Variants in FNDC3B observed in about 807,000 individuals in gnomAD.
FNDC3B encodes fibronectin type III domain containing 3B.
A neutral mutation model predicts 151.5 loss-of-function variants in FNDC3B; 12 were observed. That is an observed-to-expected ratio of 0.08 (90% CI 0.05 to 0.13). The LOEUF is 0.13. Among genes scored for constraint, FNDC3B ranks in the 10% least tolerant of loss-of-function variants. FNDC3B has a pLI of 1.00. For synonymous variants in FNDC3B, 528 were observed against 549.0 expected, an observed-to-expected ratio of 0.96 and a Z score of 0.54; for missense variants, 1,214 against 1,505.3, an observed-to-expected ratio of 0.81 and a Z score of 3.20.
At chr3:172,373,563 T>C (rs1734984542) in intron 23 of FNDC3B, among the ~76,000 whole-genome samples, 1 of 152,228 alleles carries the variant, frequency 6.6e-6, no homozygotes, top group Non-Finnish European at 1.5e-5. Flanking sequence ...TATATTTAGT[T>C]CCATCACAAA....
intron 3 of FNDC3B, among the ~76,000 whole-genome samples, chr3:172,145,043 C>G (rs938078906): frequency 6.6e-6 from 1 of 151,898 alleles, no homozygotes; most frequent in African/African-American, 2.4e-5. Flanking sequence ...TTATTTCCCC[C>G]CTAAGTATTC....
At chr3:172,171,396 G>A (rs1397327126) in intron 3 of FNDC3B, among the ~76,000 whole-genome samples, 1 of 152,070 alleles carries the variant, frequency 6.6e-6, no homozygotes, top group East Asian at 1.9e-4. Flanking sequence ...TGTTGTAGAT[G>A]TGGCACATAT....
rs201662937 is a variant in FNDC3B, at chr3:172,247,724, G to A, written c.456G>A (p.Pro152=). 6.8e-5 allele frequency: 109 copies of A among 1,614,034 alleles called. No homozygotes were observed. Among genetic ancestry groups the A allele is most frequent in the South Asian group, 4.6e-4 (42 of 91,082 alleles). The part of the protein sequence containing the change: ...YPPVTGPGDM[P]PQFFPQHHLP... ...CTGTTACCGGACCTGGAGATATGCCGCCTCAGTTTTTTCCCCAGCATCATC... is the reference window on the plus strand; with the variant it reads ...CTGTTACCGGACCTGGAGATATGCCACCTCAGTTTTTTCCCCAGCATCATC... The change falls in exon 5 of 26, where the codon CCG becomes CCA. Residue 152 remains proline (P), a synonymous_variant. Coordinates refer to ENST00000415807, the MANE Select transcript of FNDC3B (RefSeq NM_022763.4).
intron 3 of FNDC3B, among the ~76,000 whole-genome samples, chr3:172,187,723 C>G (rs991236072): frequency 1.3e-5 from 2 of 152,136 alleles, no homozygotes; most frequent in African/African-American, 2.4e-5. Flanking sequence ...GGTGCCATCT[C>G]AGCTTAGGTG....
At position 172,203,906 on chromosome 3, in the gene FNDC3B, G is replaced by A. The variant is rs369424100; in HGVS notation, c.188-22965G>A. On this transcript the variant is annotated intron_variant, in intron 3 of 25. Transcript: ENST00000415807. ...GACAGACATAGCTTCTAAGAAAGCCGTTGGGACCCACTGAATTGTGACTGT... is the reference window on the plus strand; with the variant it reads ...GACAGACATAGCTTCTAAGAAAGCCATTGGGACCCACTGAATTGTGACTGT... Among the ~76,000 whole-genome samples the A allele has an allele frequency of 6.6e-5, 10 of 152,318 alleles. No homozygotes were observed. The East Asian group carries it at 7.7e-4, about 12-fold the overall frequency.
intron 8 of FNDC3B, among the ~76,000 whole-genome samples, chr3:172,297,686 G>A (rs575804972): frequency 7.9e-5 from 12 of 152,168 alleles, no homozygotes; most frequent in East Asian, 1.9e-4. Context: ...GTGTTAGCCA[G>A]GATGGTCTCG....
At chr3:172,364,724 A>G (rs1184902180) in intron 23 of FNDC3B, among the ~76,000 whole-genome samples, 1 of 152,228 alleles carries the variant, frequency 6.6e-6, no homozygotes, top group Non-Finnish European at 1.5e-5. Context: ...CAGACAAAAA[A>G]CAGTGCAGAA....
At chr3:172,127,517 A>T (rs1720859406) in intron 2 of FNDC3B, among the ~76,000 whole-genome samples, 1 of 151,810 alleles carries the variant, frequency 6.6e-6, no homozygotes, top group East Asian at 1.9e-4. Context: ...CTGGCAGATG[A>T]CAGGGATTCA....
chr3:172,099,067 C>G (rs1041696065), intron 1 of FNDC3B, among the ~76,000 whole-genome samples: 10 of 152,114 alleles, frequency 6.6e-5, no homozygotes, highest in African/African-American at 2.2e-4. Flanking sequence ...TTTTGGAGTT[C>G]CATTTATTTA....
intron 6 of FNDC3B, among the ~76,000 whole-genome samples, chr3:172,265,829 C>G (rs1429695478): frequency 1.3e-5 from 2 of 152,192 alleles, no homozygotes; most frequent in African/African-American, 4.8e-5. Context: ...AAAGAACATT[C>G]TACCACCAGG....
chr3:172,244,594 C>A (rs1372822163), intron 4 of FNDC3B, among the ~76,000 whole-genome samples: 10 of 129,742 alleles, frequency 7.7e-5, no homozygotes, highest in Non-Finnish European at 5.0e-5. Context: ...TATATTTCTA[C>A]TATTTCAGAA....
At chr3:172,375,604 C>G (rs2108363220) in intron 23 of FNDC3B, among the ~76,000 whole-genome samples, 1 of 152,204 alleles carries the variant, frequency 6.6e-6, no homozygotes, top group African/African-American at 2.4e-5. Context: ...TTCTCCATGC[C>G]CCTCTCATAA....
intron 3 of FNDC3B, among the ~76,000 whole-genome samples, chr3:172,194,451 A>G (rs986132788): frequency 2.0e-4 from 30 of 152,290 alleles, no homozygotes; most frequent in African/African-American, 5.5e-4. Context: ...AATGGATTTT[A>G]AAATCCTTCG....
At chr3:172,376,662 C>T (rs1174398549) in intron 23 of FNDC3B, among the ~76,000 whole-genome samples, 2 of 152,092 alleles carry the variant, frequency 1.3e-5, no homozygotes, top group Non-Finnish European at 2.9e-5. Context: ...TTGTGGGTTT[C>T]AGCCTGGACT....
chr3:172,241,515 C>G (rs1299578131), intron 4 of FNDC3B, among the ~76,000 whole-genome samples: 1 of 151,734 alleles, frequency 6.6e-6, no homozygotes, highest in African/African-American at 2.4e-5. Context: ...GCCTCACAAT[C>G]ATGGTAGAAG....
chr3:172,262,368 A>G (rs896814144), intron 6 of FNDC3B, among the ~76,000 whole-genome samples: 3 of 152,086 alleles, frequency 2.0e-5, no homozygotes, highest in African/African-American at 7.2e-5. Flanking sequence ...CTCTTTTCCT[A>G]TTTGGAGTTT....
intron 3 of FNDC3B, among the ~76,000 whole-genome samples, chr3:172,224,157 T>G (rs996204701): frequency 1.3e-5 from 2 of 152,238 alleles, no homozygotes; most frequent in Non-Finnish European, 2.9e-5. Flanking sequence ...TCATTGTTTA[T>G]GATTTATTTT....
chr3:172,340,564 G>A (rs918211111), intron 16 of FNDC3B, among the ~76,000 whole-genome samples: 3 of 152,138 alleles, frequency 2.0e-5, no homozygotes, highest in Non-Finnish European at 4.4e-5. Context: ...GGGATTACAG[G>A]CGTGAGCCAC....
intron 14 of FNDC3B, among the ~76,000 whole-genome samples, chr3:172,334,730 C>T (rs1732863300): frequency 6.6e-6 from 1 of 152,194 alleles, no homozygotes; most frequent in East Asian, 1.9e-4. Flanking sequence ...GCGTGAGCCA[C>T]TGTGCTGGCT....
Sources: allele counts gnomAD v4.1 joint callset (sites outside exome capture counted in the v4.1 genomes callset), GRCh38; gene constraint gnomAD v4.1.1; transcripts MANE v1.5; gene names NCBI Gene and HGNC (gene_info 2026-07-23, HGNC 2026-07-21).